The following GABRB2 variants were observed in gnomAD, a reference collection of about 807,000 sequenced individuals.
GABRB2 encodes gamma-aminobutyric acid receptor subunit beta-2.
Under a neutral mutation model 54.7 loss-of-function variants are expected in GABRB2, and 16 were observed. The observed-to-expected ratio is 0.29, with a 90% CI of 0.20 to 0.44. The LOEUF is 0.44. Ranked by LOEUF, GABRB2 falls within the 20% of genes least tolerant of loss-of-function variation. GABRB2 has a pLI of 1.00. For synonymous variants in GABRB2, 244 were observed against 233.8 expected (o/e 1.04, Z -0.40); for missense variants, 355 against 644.0 (o/e 0.55, Z 4.86).
chr5:161,366,261 T>C (rs1053708744), intron 5 of GABRB2, among the ~76,000 whole-genome samples: 5 of 152,036 alleles, frequency 3.3e-5, no homozygotes, highest in African/African-American at 1.2e-4. Flanking sequence ...CTGGCACGGC[T>C]AGCTGCAAGG....
chr5:161,466,901 G>A (rs1758297526), intron 3 of GABRB2, among the ~76,000 whole-genome samples: 1 of 152,002 alleles, frequency 6.6e-6, no homozygotes, highest in East Asian at 1.9e-4. Flanking sequence ...TGTATATGGG[G>A]AAATAGTCAA....
intron 5 of GABRB2, among the ~76,000 whole-genome samples, chr5:161,370,934 G>C (rs1305479168): frequency 6.6e-6 from 1 of 152,176 alleles, no homozygotes; most frequent in East Asian, 1.9e-4. Context: ...ATTTCCCAGA[G>C]AGCAAGAAAT....
At chr5:161,359,579 T>C (rs963285029) in intron 5 of GABRB2, among the ~76,000 whole-genome samples, 2 of 152,166 alleles carry the variant, frequency 1.3e-5, no homozygotes, top group Non-Finnish European at 2.9e-5. Flanking sequence ...TAATACATGA[T>C]AACAAGAAGA....
At chr5:161,417,642 T>C (rs567156676) in intron 4 of GABRB2, among the ~76,000 whole-genome samples, 1 of 152,356 alleles carries the variant, frequency 6.6e-6, no homozygotes, top group African/African-American at 2.4e-5. Flanking sequence ...TTTTGTAATT[T>C]TGTTTTACCC....
intron 4 of GABRB2, among the ~76,000 whole-genome samples, chr5:161,458,321 C>T (rs1364777014): frequency 1.3e-5 from 2 of 152,184 alleles, no homozygotes; most frequent in African/African-American, 2.4e-5. Context: ...TCTTCTATTT[C>T]CTTCTTTTCT....
chr5:161,374,534 C>G (rs1372344409), intron 5 of GABRB2, among the ~76,000 whole-genome samples: 1 of 152,180 alleles, frequency 6.6e-6, no homozygotes, highest in Non-Finnish European at 1.5e-5. Context: ...TCCACCCTGT[C>G]AAAGCTATCA....
At chr5:161,388,432 G>C (rs1040990231) in intron 5 of GABRB2, among the ~76,000 whole-genome samples, 1 of 151,938 alleles carries the variant, frequency 6.6e-6, no homozygotes, top group African/African-American at 2.4e-5. Flanking sequence ...GGTATAAATT[G>C]CTTTTGATGC....
intron 5 of GABRB2, among the ~76,000 whole-genome samples, chr5:161,398,244 A>G (rs1756066326): frequency 6.6e-6 from 1 of 152,184 alleles, no homozygotes; most frequent in African/African-American, 2.4e-5. Context: ...GAGGACCTAT[A>G]TCTGGAGTAA....
At chr5:161,453,202 A>T (rs1215450932) in intron 4 of GABRB2, among the ~76,000 whole-genome samples, 2 of 152,206 alleles carry the variant, frequency 1.3e-5, no homozygotes, top group African/African-American at 2.4e-5. Flanking sequence ...CCAAGAAAAC[A>T]TTCTTCCCCA....
intron 4 of GABRB2, among the ~76,000 whole-genome samples, chr5:161,421,117 T>C (rs915064026): frequency 1.3e-5 from 2 of 152,192 alleles, no homozygotes; most frequent in Non-Finnish European, 2.9e-5. Context: ...CTGTCCTGTG[T>C]GTGTATTTGC....
chr5:161,474,728 A>G (rs942426603), intron 3 of GABRB2, among the ~76,000 whole-genome samples: 1 of 152,004 alleles, frequency 6.6e-6, no homozygotes, highest in African/African-American at 2.4e-5. Context: ...AGGAAATTAC[A>G]TTACGTCAGA....
intron 3 of GABRB2, among the ~76,000 whole-genome samples, chr5:161,522,251 G>T (rs1318425586): frequency 6.6e-6 from 1 of 151,720 alleles, no homozygotes; most frequent in African/African-American, 2.4e-5. Context: ...ACTACCTCTG[G>T]AAAGAGTATC....
At chr5:161,532,608 C>T (rs1581063870) in intron 3 of GABRB2, among the ~76,000 whole-genome samples, 1 of 152,090 alleles carries the variant, frequency 6.6e-6, no homozygotes, top group East Asian at 1.9e-4. Context: ...GGGTTACACC[C>T]CTCTCATGTC....
chr5:161,367,782 T>G (rs1025093262), intron 5 of GABRB2, among the ~76,000 whole-genome samples: 1 of 152,218 alleles, frequency 6.6e-6, no homozygotes, highest in Non-Finnish European at 1.5e-5. Context: ...GGGAATCATA[T>G]ACACATTCAA....
At chr5:161,430,876 A>T (rs1189671184) in intron 4 of GABRB2, among the ~76,000 whole-genome samples, 1 of 152,166 alleles carries the variant, frequency 6.6e-6, no homozygotes, top group East Asian at 1.9e-4. Context: ...AAGTAAGAAT[A>T]GGTTATGCAT....
chr5:161,521,227 GC>G (rs1018473229), intron 3 of GABRB2, among the ~76,000 whole-genome samples: 2 of 151,812 alleles, frequency 1.3e-5, no homozygotes, highest in African/African-American at 2.4e-5. Context: ...TTTGGTGTTT[GC>G]CCCAAGTACC....
intron 3 of GABRB2, among the ~76,000 whole-genome samples, chr5:161,467,066 A>C (rs919974394): frequency 6.6e-6 from 1 of 152,070 alleles, no homozygotes; most frequent in South Asian, 2.1e-4. Context: ...TATTTTCATC[A>C]GTGATAAGGT....
intron 3 of GABRB2, among the ~76,000 whole-genome samples, chr5:161,489,689 A>G (rs914635178): frequency 4.6e-5 from 7 of 151,680 alleles, no homozygotes; most frequent in Non-Finnish European, 1.0e-4. Context: ...AGCAAGTTAA[A>G]TGAACTGCAT....
Position 161,453,042 on chromosome 5 carries a change from T to C in GABRB2, c.458+6582A>G, listed in dbSNP as rs1029904590. ...TTTTCTATATCATTTTTCTTTAAAC[T>C]ATTCTGAAAATGATCTAATTGGGTC... is the stretch of plus-strand genomic sequence containing the variant. On this transcript the variant is annotated intron_variant, in intron 4 of 9. Coordinates refer to ENST00000393959, the MANE Select transcript of GABRB2 (RefSeq NM_001371727.1). Among the ~76,000 whole-genome samples the C allele has an allele frequency of 5.3e-5, 8 of 152,216 alleles. No homozygotes were observed. In the South Asian group the frequency reaches 8.3e-4, roughly 16 times the overall value.
Sources: allele counts gnomAD v4.1 joint callset (sites outside exome capture counted in the v4.1 genomes callset), GRCh38; gene constraint gnomAD v4.1.1; transcripts MANE v1.5; gene names NCBI Gene and HGNC (gene_info 2026-07-23, HGNC 2026-07-21).